The following POMT2 variants were observed in gnomAD, a reference collection of about 807,000 sequenced individuals.
The protein encoded by POMT2 is protein O-mannosyl-transferase 2.
In POMT2, 75 loss-of-function variants were observed where a neutral mutation model predicts 100.0. The observed-to-expected ratio is 0.75, with a 90% CI of 0.62 to 0.91. The LOEUF (loss-of-function observed/expected upper bound fraction) is 0.91. POMT2 is among the 40% of genes least tolerant of loss of function. The pLI is 0.00. For synonymous variants in POMT2, 378 were observed against 374.1 expected (o/e 1.01, Z -0.12); for missense variants, 940 against 955.1 (o/e 0.98, Z 0.21).
intron 2 of POMT2, chr14:77,306,703 A>G: frequency 2.5e-6 from 1 of 395,574 alleles, no homozygotes; most frequent in Non-Finnish European, 4.8e-6. Flanking sequence ...CTCAGGAAGG[A>G]AAAAGAGCCC....
intron 8 of POMT2, 35 bp from the exon 9 acceptor site, chr14:77,296,308 GCA>G (rs1360881833): frequency 6.8e-6 from 10 of 1,461,114 alleles, no homozygotes; most frequent in African/African-American, 1.4e-5. Flanking sequence ...GGGTGAGCTG[GCA>G]CAGTGCCAGA....
intron 4 of POMT2, 38 bp downstream of exon 4, chr14:77,304,654 C>A: frequency 1.3e-6 from 2 of 1,556,250 alleles, no homozygotes; most frequent in East Asian, 2.4e-5. Flanking sequence ...AGTGGCAGCC[C>A]ATTTCCCAAA....
At chr14:77,279,016 G>A (rs1890099505) in intron 18 of POMT2, 147 bp from the exon 19 acceptor site, 6 of 1,108,090 alleles carry the variant, frequency 5.4e-6, no homozygotes, top group South Asian at 4.0e-5. Context: ...TACAGAAACT[G>A]GAGAGGAGCA....
At chr14:77,315,395 T>C (rs997430489) in intron 1 of POMT2, among the ~76,000 whole-genome samples, 8 of 152,228 alleles carry the variant, frequency 5.3e-5, no homozygotes, top group Non-Finnish European at 4.4e-5. Context: ...GCTGTCACCA[T>C]AGCCCCTGAT....
rs1028468864 is a variant in POMT2, at chr14:77,320,377, A to G, written c.248+57T>C. 68 of 1,541,624 alleles carry G rather than the reference A, an allele frequency of 4.4e-5. 1 individual carries two copies. The East Asian group carries it at 1.6e-3, about 37-fold the overall frequency. On this transcript the variant is annotated intron_variant, in intron 1 of 20. Coordinates refer to ENST00000261534, the MANE Select transcript of POMT2 (RefSeq NM_013382.7). ...CCCTCCGTACCCTCGGGCCAATCAG[A>G]GGGCGGCGTCCCGTCGCGGTTGCCA...
chr14:77,280,542 G>C (rs1890182317), intron 15 of POMT2, 79 bp from the exon 16 acceptor site: 5 of 1,607,644 alleles, frequency 3.1e-6, no homozygotes, highest in Admixed American at 1.7e-5. Flanking sequence ...AGGTTTTTCT[G>C]ATATAGGGCC....
intron 13 of POMT2, 148 bp from the exon 14 acceptor site, chr14:77,285,189 C>T (rs1385418683): frequency 1.3e-6 from 1 of 798,250 alleles, no homozygotes; most frequent in Non-Finnish European, 2.1e-6. Flanking sequence ...GACAACTATC[C>T]TAGGATAGTC....
chr14:77,286,754 C>T lies in POMT2; in HGVS notation c.1322G>A (p.Gly441Asp), dbSNP rs1890438583. 3.1e-6 allele frequency: 5 copies of T among 1,614,008 alleles called. No homozygotes were observed. Among genetic ancestry groups the T allele is most frequent in the Non-Finnish European group, 4.2e-6 (5 of 1,180,030 alleles). ...CCGTTGCTTACTTACTATGCCATAG[C>T]CGGTGACCTGATAGTGCTTCCGGGT... ...PMTRKHYQVT[G>D]YGINGTGDSN... The change falls in exon 12 of 21, where the codon GGC (glycine) becomes GAC (aspartate). Residue 441 changes from glycine (G) to aspartate (D), a missense_variant. Transcript: ENST00000261534.
At chr14:77,306,557 T>A in intron 2 of POMT2, 116 bp from the exon 3 acceptor site, 1 of 1,190,866 alleles carries the variant, frequency 8.4e-7, no homozygotes. Context: ...CAACTGTCCA[T>A]AGAAAATGTT....
Position 77,285,010 on chromosome 14 carries a change from G to T in POMT2, c.1516C>A (p.Pro506Thr), listed in dbSNP as rs1433722386. Reference sequence around the variant, plus strand: ...GAGTTGAGGGTTTCTTTCAGGTATGGGGTGCAAGTAACTTCCAACTGCTCC... The same window carrying T: ...GAGTTGAGGGTTTCTTTCAGGTATGTGGTGCAAGTAACTTCCAACTGCTCC... ...GWEQLEVTCT[P>T]YLKETLNSIW... Residue 506 changes from proline to threonine, a missense_variant, in exon 14 of 21, where the codon CCA (proline) becomes ACA (threonine). Coordinates refer to ENST00000261534, the MANE Select transcript of POMT2 (RefSeq NM_013382.7). 6.2e-7 allele frequency: 1 copy of T among 1,613,480 alleles called. No individual in the cohort carries two copies. The highest frequency in any genetic ancestry group is 1.1e-5 in the South Asian group (1 of 91,056).
In POMT2 at chr14:77,277,304, T is replaced by C; in HGVS notation, c.*72A>G. The C allele has an allele frequency of 7.5e-7, 1 of 1,327,976 alleles. No homozygotes were observed. The highest frequency in any genetic ancestry group is 1.1e-6 in the Non-Finnish European group (1 of 925,850). 82.3% of individuals were successfully genotyped at this position (1,327,976 alleles called of 1,614,324 possible). On this transcript the variant is annotated 3_prime_UTR_variant, in exon 21 of 21. Coordinates refer to ENST00000261534, the MANE Select transcript of POMT2 (RefSeq NM_013382.7). ...CTTAGGCAGCTTCCTCATGGCCGGA[T>C]GGTCCAGTACTGCTTCCCAGCTGGC...
At chr14:77,303,922 G>T (rs899219980) in intron 4 of POMT2, among the ~76,000 whole-genome samples, 1 of 152,194 alleles carries the variant, frequency 6.6e-6, no homozygotes, top group Middle Eastern at 3.2e-3. Flanking sequence ...GTGGCCGGGA[G>T]CTGGGTAGGT....
At chr14:77,282,824 G>A (rs969388876) in intron 15 of POMT2, among the ~76,000 whole-genome samples, 3 of 152,302 alleles carry the variant, frequency 2.0e-5, no homozygotes, top group Admixed American at 6.5e-5. Flanking sequence ...ACTTGACAAT[G>A]GCTTACCAGG....
At position 77,280,066 on chromosome 14, in the gene POMT2, T is replaced by C. The variant is rs1406093258; in HGVS notation, c.1740A>G (p.Ser580=). The C allele has an allele frequency of 1.2e-6, 2 of 1,613,866 alleles. No individual in the cohort carries two copies. Among genetic ancestry groups the C allele is most frequent in the African/African-American group, 1.3e-5 (1 of 75,036 alleles). Residue 580 remains serine, a synonymous_variant, in exon 17 of 21, where the codon TCA becomes TCG. Coordinates refer to ENST00000261534, the MANE Select transcript of POMT2 (RefSeq NM_013382.7). The stretch of plus-strand genomic sequence containing the variant: ...CTCGGAAATCTGTGTCATTGACCCC[T>C]GAGAAGCGTAGGCCCTGTGGAATAG... ...WPINYQGLRF[S]GVNDTDFRVY... is the part of the protein sequence containing the mutation.
At chr14:77,296,624 G>A (rs1890842126) in intron 8 of POMT2, 2 of 307,104 alleles carry the variant, frequency 6.5e-6, no homozygotes, top group South Asian at 3.7e-5. Flanking sequence ...GTCTTCGCCT[G>A]GAATGTTCTC....
At position 77,311,955 on chromosome 14, in the gene POMT2, C is replaced by A; in HGVS notation, c.327G>T (p.Leu109=). The change falls in exon 2 of 21, where the codon CTG becomes CTT. Residue 109 remains leucine, a synonymous_variant. Coordinates refer to ENST00000261534, the MANE Select transcript of POMT2 (RefSeq NM_013382.7). ...TATTCACCACACTGCTCACCTTTCC[C>A]AGGGGCGGGTGCACATCAAAGAAAA... is the stretch of plus-strand genomic sequence containing the variant. ...RTFFFDVHPP[L]GKMLIGLAGY... The A allele has an allele frequency of 6.2e-7, 1 of 1,614,072 alleles. No homozygotes were observed. The highest frequency in any genetic ancestry group is 8.5e-7 in the Non-Finnish European group (1 of 1,179,964).
chr14:77,312,090 G>A, intron 1 of POMT2, 57 bp from the exon 2 acceptor site: 1 of 1,593,362 alleles, frequency 6.3e-7, no homozygotes, highest in Non-Finnish European at 8.6e-7. Context: ...AAATCCAAAT[G>A]GCCTTCATAA....
At chr14:77,288,250 T>C (rs1890507032) in intron 11 of POMT2, among the ~76,000 whole-genome samples, 2 of 152,256 alleles carry the variant, frequency 1.3e-5, no homozygotes, top group African/African-American at 4.8e-5. Flanking sequence ...CTTTTTATGC[T>C]CTTAAGAAGT....
In POMT2 at chr14:77,296,163, C is replaced by T; in HGVS notation, c.1116+1G>A. ...TACAAGTGCACAAAAGGCTCACTGA[C>T]CTGCTGCTGACGGGCACCAATGCCC... On this transcript the variant is annotated splice_donor_variant, in intron 9 of 20. Coordinates refer to ENST00000261534, the MANE Select transcript of POMT2 (RefSeq NM_013382.7). LOFTEE classifies it high-confidence loss of function. 1.3e-6 allele frequency: 2 copies of T among 1,596,370 alleles called. No homozygotes were observed. The highest frequency in any genetic ancestry group is 1.1e-5 in the South Asian group (1 of 87,602).
Sources: gnomAD v4.1 joint callset for allele counts (sites outside exome capture counted in the v4.1 genomes callset) on GRCh38, gnomAD v4.1.1 for gene constraint, MANE v1.5 for transcripts, NCBI Gene and HGNC (gene_info 2026-07-23, HGNC 2026-07-21) for gene names.